Variants in SOBP observed in about 807,000 individuals in gnomAD.
The protein encoded by SOBP is sine oculis binding protein homolog, also known as sine oculis-binding protein homolog.
In SOBP, 4 loss-of-function variants were observed where a neutral mutation model predicts 53.6. The observed-to-expected ratio is 0.07, with a 90% confidence interval of 0.04 to 0.17. The LOEUF is 0.17. Among genes scored for constraint, SOBP ranks in the 10% least tolerant of loss-of-function variants. The pLI, the probability that SOBP is intolerant of heterozygous loss-of-function variation, is 1.00. For synonymous variants in SOBP, 584 were observed against 522.6 expected (o/e 1.12, Z -1.60); for missense variants, 1,088 against 1,204.7 (o/e 0.90, Z 1.43).
At chr6:107,526,281 G>T (rs147048559) in intron 3 of SOBP, among the ~76,000 whole-genome samples, 65 of 152,238 alleles carry the variant, frequency 4.3e-4, no homozygotes, top group African/African-American at 1.5e-3. Flanking sequence ...ACATTTGGGA[G>T]CTTCTTATTA....
intron 5 of SOBP, among the ~76,000 whole-genome samples, chr6:107,626,636 A>G (rs1430497381): frequency 6.6e-6 from 1 of 152,212 alleles, no homozygotes; most frequent in African/African-American, 2.4e-5. Context: ...TTCAATGAGT[A>G]AACTGGATTA....
chr6:107,566,971 C>T (rs946759285), intron 4 of SOBP, among the ~76,000 whole-genome samples: 20 of 152,170 alleles, frequency 1.3e-4, no homozygotes, highest in Non-Finnish European at 8.8e-5. Flanking sequence ...GTGTGTCAGG[C>T]AGATACCTGC....
rs1337662474 is a variant in SOBP at position 107,490,314 on chromosome 6, G to C, written c.-303G>C. 1 of 153,754 alleles carries C rather than the reference G, an allele frequency of 6.5e-6. No homozygotes were observed. Among genetic ancestry groups the C allele is most frequent in the Non-Finnish European group, 1.4e-5 (1 of 71,338 alleles). 9.5% of individuals were successfully genotyped at this position (153,754 alleles called of 1,614,324 possible). On this transcript the variant is annotated 5_prime_UTR_variant, in exon 1 of 7. Coordinates refer to ENST00000317357, the MANE Select transcript of SOBP (RefSeq NM_018013.4). The stretch of plus-strand genomic sequence containing the variant: ...GAGGGCGGCAGGGGCAGCGGCAGCA[G>C]CGGCGGCGTTGGCTGCGGCGGCGGC...
At chr6:107,657,333 T>C (rs1039186847) in intron 6 of SOBP, among the ~76,000 whole-genome samples, 1 of 152,234 alleles carries the variant, frequency 6.6e-6, no homozygotes. Flanking sequence ...GAAAATCCTG[T>C]TCAGAGCCTC....
chr6:107,576,322 G>A (rs904386668), intron 4 of SOBP, among the ~76,000 whole-genome samples: 4 of 152,136 alleles, frequency 2.6e-5, no homozygotes, highest in Non-Finnish European at 4.4e-5. Flanking sequence ...CCTCGTCCTA[G>A]GCTTTCTCCT....
In SOBP at chr6:107,492,879, C is replaced by A. The variant is rs10456857; in HGVS notation, c.96+2167C>A. ...CTCTTCTTTGGACCAAAGTAAAATACCCCTAACCAAAAATTTTAGTCATGT... is the reference window on the plus strand; with the variant it reads ...CTCTTCTTTGGACCAAAGTAAAATAACCCTAACCAAAAATTTTAGTCATGT... On this transcript the variant is annotated intron_variant, in intron 1 of 6. Coordinates refer to ENST00000317357, the MANE Select transcript of SOBP (RefSeq NM_018013.4). Among the ~76,000 whole-genome samples the A allele has an allele frequency of 4.1e-3, 617 of 152,174 alleles. 2 individuals are homozygous for A. The highest frequency in any genetic ancestry group is 6.7e-3 in the Non-Finnish European group (455 of 68,004).
At chr6:107,576,272 C>G (rs1258891725) in intron 4 of SOBP, among the ~76,000 whole-genome samples, 1 of 152,204 alleles carries the variant, frequency 6.6e-6, no homozygotes, top group African/African-American at 2.4e-5. Flanking sequence ...TGCTGCATAT[C>G]ATTTATGTGG....
At chr6:107,508,844 G>A (rs868095319) in intron 3 of SOBP, among the ~76,000 whole-genome samples, 14 of 152,188 alleles carry the variant, frequency 9.2e-5, no homozygotes, top group African/African-American at 3.4e-4. Flanking sequence ...TTTTGTAAAT[G>A]TAGAGTTTAC....
chr6:107,581,729 C>T (rs1022215990), intron 4 of SOBP, among the ~76,000 whole-genome samples: 22 of 152,264 alleles, frequency 1.4e-4, no homozygotes, highest in African/African-American at 5.3e-4. Flanking sequence ...GAGCAGTGTC[C>T]CCATGCTTTT....
intron 5 of SOBP, among the ~76,000 whole-genome samples, chr6:107,610,314 G>A (rs1445728191): frequency 2.6e-5 from 4 of 152,138 alleles, no homozygotes; most frequent in Non-Finnish European, 5.9e-5. Context: ...GGACCTCTCT[G>A]GACTGTCTCC....
At chr6:107,538,497 C>T (rs1457075398) in intron 4 of SOBP, among the ~76,000 whole-genome samples, 1 of 152,206 alleles carries the variant, frequency 6.6e-6, no homozygotes, top group Non-Finnish European at 1.5e-5. Context: ...CCAGTAAATG[C>T]ACCTGGGGAG....
chr6:107,607,896 G>A (rs537749790), intron 5 of SOBP, among the ~76,000 whole-genome samples: 60 of 152,288 alleles, frequency 3.9e-4, no homozygotes, highest in Non-Finnish European at 6.5e-4. Context: ...CCTCTTTACG[G>A]GGCCAGCTCT....
chr6:107,654,290 T>C (rs1461092871), intron 6 of SOBP, among the ~76,000 whole-genome samples: 1 of 152,172 alleles, frequency 6.6e-6, no homozygotes, highest in Non-Finnish European at 1.5e-5. Context: ...TTGTATGTAA[T>C]TGTGTGTGTC....
At chr6:107,644,173 G>C (rs981345152) in intron 6 of SOBP, among the ~76,000 whole-genome samples, 3 of 152,166 alleles carry the variant, frequency 2.0e-5, no homozygotes, top group Admixed American at 6.5e-5. Flanking sequence ...ACATGATGGC[G>C]CATGGCTGTA....
At chr6:107,583,319 C>T (rs1785462349) in intron 4 of SOBP, among the ~76,000 whole-genome samples, 1 of 152,164 alleles carries the variant, frequency 6.6e-6, no homozygotes, top group South Asian at 2.1e-4. Context: ...ACAAAAATCA[C>T]ACCAGTAATT....
At chr6:107,638,470 C>A (rs1216390714) in intron 6 of SOBP, among the ~76,000 whole-genome samples, 1 of 152,200 alleles carries the variant, frequency 6.6e-6, no homozygotes, top group Admixed American at 6.5e-5. Flanking sequence ...CTCGGCCTCC[C>A]AAAGTGCTGG....
In SOBP at chr6:107,634,733, C is replaced by T; in HGVS notation, c.1889C>T (p.Pro630Leu). ...VVDLTRRAGS[P>L]PGPPGAGGQL... ...GACCTGACGCGGCGCGCCGGCAGCC[C>T]CCCGGGCCCCCCGGGCGCGGGCGGC... The change falls in exon 6 of 7, where the codon CCC becomes CTC. Residue 630 changes from proline to leucine, a missense_variant. By Grantham distance (98) the Pro-to-Leu change is moderately conservative. Coordinates refer to ENST00000317357, the MANE Select transcript of SOBP (RefSeq NM_018013.4). This position sits in a 1 kb window ranked among gnomAD's most constrained non-coding sequence, Gnocchi z 4.5. The T allele has an allele frequency of 7.5e-7, 1 of 1,336,742 alleles. No homozygotes were observed. The highest frequency in any genetic ancestry group is 9.5e-7 in the Non-Finnish European group (1 of 1,052,310). 82.8% of individuals were successfully genotyped at this position (1,336,742 alleles called of 1,614,324 possible).
intron 5 of SOBP, among the ~76,000 whole-genome samples, chr6:107,604,239 A>G (rs1428088876): frequency 6.6e-6 from 1 of 152,218 alleles, no homozygotes; most frequent in Non-Finnish European, 1.5e-5. Flanking sequence ...CAACAGGTTC[A>G]CAAATATATA....
At chr6:107,597,154 A>T (rs1254677848) in intron 5 of SOBP, among the ~76,000 whole-genome samples, 4 of 152,200 alleles carry the variant, frequency 2.6e-5, no homozygotes, top group Admixed American at 6.5e-5. Context: ...AAAACCAGAG[A>T]TGGGAAGGGA....
Sources: allele counts gnomAD v4.1 joint callset (sites outside exome capture counted in the v4.1 genomes callset), GRCh38; gene constraint gnomAD v4.1.1; non-coding constraint Gnocchi (gnomAD v3.1); transcripts MANE v1.5; gene names NCBI Gene and HGNC (gene_info 2026-07-23, HGNC 2026-07-21).